Variants in FHOD3 observed in about 807,000 individuals in gnomAD.
FHOD3 encodes the protein formin homology 2 domain containing 3.
A neutral mutation model predicts 173.0 loss-of-function variants in FHOD3; 90 were observed. The ratio of observed to expected loss-of-function variants is 0.52; its 90% CI spans 0.44 to 0.62. The LOEUF is 0.62. Ranked by LOEUF, FHOD3 falls within the 20% of genes least tolerant of loss-of-function variation. The probability of loss-of-function intolerance (pLI) is 0.00; values close to 1 mark genes in which losing one functional copy is unlikely to be tolerated. For missense variants in FHOD3, 1,945 were observed against 2,034.7 expected, an observed-to-expected ratio of 0.96 and a Z score of 0.85; for synonymous variants, 828 against 823.0, an observed-to-expected ratio of 1.01 and a Z score of -0.10.
chr18:36,710,441 C>G (rs2040110624), intron 18 of FHOD3: 1 of 152,278 alleles, frequency 6.6e-6, no homozygotes, highest in Admixed American at 6.5e-5. Context: ...CTTATTCATT[C>G]CTAGATTAAA....
Position 36,499,393 on chromosome 18 carries a change from G to A in FHOD3, c.338-2539G>A, listed in dbSNP as rs545287789. ...TGCTGGGATTACAGGCCTGAGCCACGGTGCCCAGCAGCCTATTGACTTAAG... is the reference window on the plus strand; with the variant it reads ...TGCTGGGATTACAGGCCTGAGCCACAGTGCCCAGCAGCCTATTGACTTAAG... On this transcript the variant is annotated intron_variant, in intron 3 of 28. Coordinates refer to ENST00000590592, the MANE Select transcript of FHOD3 (RefSeq NM_001281740.3). Among the ~76,000 whole-genome samples, 140 of 152,194 alleles carry A rather than the reference G, an allele frequency of 9.2e-4. 1 individual carries two copies. The highest frequency in any genetic ancestry group is 2.8e-3 in the African/African-American group (116 of 41,516).
intron 5 of FHOD3, among the ~76,000 whole-genome samples, chr18:36,516,669 A>C (rs556136639): frequency 6.6e-6 from 1 of 152,234 alleles, no homozygotes; most frequent in East Asian, 1.9e-4. Flanking sequence ...ACTTGAGCCT[A>C]GGAATTTGAG....
chr18:36,317,061 T>C lies in FHOD3; in HGVS notation c.165+19061T>C, dbSNP rs2044165112. Among the ~76,000 whole-genome samples the C allele has an allele frequency of 2.0e-5, 3 of 152,376 alleles. No homozygotes were observed. The South Asian group carries it at 6.2e-4, about 32-fold the overall frequency. The stretch of plus-strand genomic sequence containing the variant: ...CTGCAAAGGACATGAACTCATCCTT[T>C]TTTATGGCTGCATAGTATTCCATTG... On this transcript the variant is annotated intron_variant, in intron 1 of 28. Transcript: ENST00000590592.
rs544104219 is a variant in FHOD3 at position 36,713,811 on chromosome 18, T to G, written c.2534-4021T>G. ...AAATTTGTTAAAGTAAAAAAAAGTA[T>G]TCAAGTAACCCATAGAAGACAAAGG... On this transcript the variant is annotated intron_variant, in intron 18 of 28. Transcript: ENST00000590592. Among the ~76,000 whole-genome samples, 4 of 152,098 alleles carry G rather than the reference T, an allele frequency of 2.6e-5. No homozygotes were observed. The South Asian group carries it at 8.3e-4, about 31-fold the overall frequency.
At chr18:36,569,683 G>A (rs542024935) in intron 5 of FHOD3, among the ~76,000 whole-genome samples, 64 of 151,874 alleles carry the variant, frequency 4.2e-4, no homozygotes, top group Non-Finnish European at 8.2e-4. Context: ...TCATATCATG[G>A]GTCACAAAAT....
At chr18:36,629,274 A>G (rs1410613191) in intron 10 of FHOD3, among the ~76,000 whole-genome samples, 2 of 152,238 alleles carry the variant, frequency 1.3e-5, no homozygotes, top group Admixed American at 6.5e-5. Context: ...TAGCACGTCA[A>G]CAGCCATCAG....
intron 5 of FHOD3, among the ~76,000 whole-genome samples, chr18:36,537,132 G>T (rs1269322192): frequency 1.3e-5 from 2 of 152,084 alleles, no homozygotes; most frequent in Non-Finnish European, 2.9e-5. Flanking sequence ...TAGCTTCCAG[G>T]TAGTCAGTAT....
At chr18:36,692,965 A>T (rs1439362351) in intron 16 of FHOD3, 1 of 559,990 alleles carries the variant, frequency 1.8e-6, no homozygotes, top group East Asian at 3.1e-5. Flanking sequence ...GTGATCCAGT[A>T]TCTAGGGACT....
intron 3 of FHOD3, among the ~76,000 whole-genome samples, chr18:36,442,298 G>C (rs2051200436): frequency 6.6e-6 from 1 of 151,948 alleles, no homozygotes; most frequent in Admixed American, 6.6e-5. Flanking sequence ...TTCCTTTCAA[G>C]GTATATTCTT....
At chr18:36,485,015 C>T (rs4327122) in intron 3 of FHOD3, among the ~76,000 whole-genome samples, 15,381 of 152,126 alleles carry the variant, frequency 0.1, 866 homozygotes, top group East Asian at 0.22. Context: ...CCGGTGATCA[C>T]GTGCTTCTAT....
intron 3 of FHOD3, among the ~76,000 whole-genome samples, chr18:36,499,726 TGAGA>T (rs1264859787): frequency 6.6e-6 from 1 of 152,200 alleles, no homozygotes; most frequent in African/African-American, 2.4e-5. Context: ...GAGGTCAGCC[TGAGA>T]GTCACCAGGG....
intron 5 of FHOD3, among the ~76,000 whole-genome samples, chr18:36,522,086 T>C (rs938355527): frequency 1.3e-5 from 2 of 152,226 alleles, no homozygotes; most frequent in African/African-American, 4.8e-5. Flanking sequence ...AATAAATATT[T>C]GTGAACATAC....
chr18:36,748,337 A>G (rs2042239347), intron 24 of FHOD3, among the ~76,000 whole-genome samples: 1 of 151,292 alleles, frequency 6.6e-6, no homozygotes, highest in Admixed American at 6.6e-5. Context: ...TGATGCAAGC[A>G]ATTCCCCATT....
At chr18:36,369,708 G>A (rs1012510910) in intron 2 of FHOD3, among the ~76,000 whole-genome samples, 2 of 151,988 alleles carry the variant, frequency 1.3e-5, no homozygotes, top group Non-Finnish European at 2.9e-5. Context: ...TTTACATATT[G>A]CATAATTTGA....
At chr18:36,482,671 C>T (rs1309825590) in intron 3 of FHOD3, among the ~76,000 whole-genome samples, 1 of 152,092 alleles carries the variant, frequency 6.6e-6, no homozygotes, top group Non-Finnish European at 1.5e-5. Flanking sequence ...TTTGGTTTGT[C>T]CTGTCTTATA....
chr18:36,333,439 G>T (rs1194224890), intron 1 of FHOD3, among the ~76,000 whole-genome samples: 1 of 152,196 alleles, frequency 6.6e-6, no homozygotes, highest in African/African-American at 2.4e-5. Flanking sequence ...TGGTGGAAAG[G>T]ATCCAAACCA....
rs367667508 is a variant in FHOD3 at position 36,760,059 on chromosome 18, C to T, written c.4450-549C>T. On this transcript the variant is annotated intron_variant, in intron 26 of 28. Coordinates refer to ENST00000590592, the MANE Select transcript of FHOD3 (RefSeq NM_001281740.3). ...CTTGAAGGGCCTCAGTTTCCTTTTC[C>T]ATAAAAGCAAGGTGGGACTAGGTCT... 1.5e-4 allele frequency among the ~76,000 whole-genome samples: 23 copies of T among 152,248 alleles called. No homozygotes were observed. In the East Asian group the frequency reaches 3.1e-3, roughly 20 times the overall value.
rs117202068 is a variant in FHOD3, at chr18:36,650,261, A to G, written c.1286+856A>G. ...ATCAAATGGATCTTGGATGAATCCA[A>G]GTAAAATCTTTGCCAACTTTAGATT... On this transcript the variant is annotated intron_variant, in intron 11 of 28. Coordinates refer to ENST00000590592, the MANE Select transcript of FHOD3 (RefSeq NM_001281740.3). Among the ~76,000 whole-genome samples, 832 of 152,226 alleles carry G rather than the reference A, an allele frequency of 5.5e-3. 6 individuals carry two copies. Among genetic ancestry groups the G allele is most frequent in the Non-Finnish European group, 9.1e-3 (620 of 68,016 alleles).
At chr18:36,605,588 G>T (rs1218113789) in intron 8 of FHOD3, among the ~76,000 whole-genome samples, 1 of 151,974 alleles carries the variant, frequency 6.6e-6, no homozygotes, top group Non-Finnish European at 1.5e-5. Flanking sequence ...AAGCTTGTGT[G>T]AGTTATTTAT....
Sources: allele counts gnomAD v4.1 joint callset (sites outside exome capture counted in the v4.1 genomes callset), GRCh38; gene constraint gnomAD v4.1.1; transcripts MANE v1.5; gene names NCBI Gene and HGNC (gene_info 2026-07-23, HGNC 2026-07-21).